The following SYNPR variants were observed in gnomAD, a reference collection of about 807,000 sequenced individuals.
SYNPR encodes the protein synaptoporin.
Under a neutral mutation model 32.9 loss-of-function variants are expected in SYNPR, and 23 were observed. That is an observed-to-expected ratio of 0.70 (90% CI 0.50 to 0.99). The LOEUF is 0.99. SYNPR is among the 50% of genes least tolerant of loss of function. The pLI is 0.00. For synonymous variants in SYNPR, 146 were observed against 135.9 expected (o/e 1.07, Z -0.52); for missense variants, 318 against 349.3 (o/e 0.91, Z 0.71).
intron 3 of SYNPR, among the ~76,000 whole-genome samples, chr3:63,539,264 A>G (rs1020603656): frequency 7.9e-5 from 12 of 152,142 alleles, no homozygotes; most frequent in African/African-American, 2.9e-4. Context: ...AGAATCCATG[A>G]AGGGAGGTGT....
upstream of SYNPR, chr3:63,278,295 C>G (rs2086594673): frequency 1.8e-6 from 1 of 566,978 alleles, no homozygotes; most frequent in African/African-American, 1.9e-5. Flanking sequence ...CCTGCCCCAG[C>G]TCTTCCCTGC....
intron 3 of SYNPR, among the ~76,000 whole-genome samples, chr3:63,511,116 T>C (rs1250048316): frequency 4.6e-5 from 7 of 151,770 alleles, no homozygotes; most frequent in South Asian, 4.2e-4. Context: ...GTGATACTTA[T>C]GCTTTTTGGG....
intron 2 of SYNPR, among the ~76,000 whole-genome samples, chr3:63,260,380 C>T (rs9758017): frequency 0.43 from 65,252 of 151,880 alleles, 14,817 homozygotes; most frequent in Non-Finnish European, 0.5. Flanking sequence ...GAGATATAGA[C>T]CAATGGAACA....
intron 2 of SYNPR, among the ~76,000 whole-genome samples, chr3:63,344,253 C>T (rs1429785752): frequency 1.3e-5 from 2 of 152,118 alleles, no homozygotes; most frequent in African/African-American, 2.4e-5. Flanking sequence ...ACAGAATACA[C>T]AGTTTTCCAT....
intron 2 of SYNPR, among the ~76,000 whole-genome samples, chr3:63,312,529 GC>G (rs1460692906): frequency 1.8e-4 from 28 of 151,826 alleles, no homozygotes; most frequent in African/African-American, 6.3e-4. Context: ...GTCAGCAGAT[GC>G]ACTCATTTTC....
chr3:63,396,187 T>A (rs548827752), intron 2 of SYNPR, among the ~76,000 whole-genome samples: 1 of 152,296 alleles, frequency 6.6e-6, no homozygotes, highest in South Asian at 2.1e-4. Context: ...AATTCTGGAG[T>A]TGGTATGCCC....
chr3:63,558,847 C>T (rs1022026664), intron 4 of SYNPR, among the ~76,000 whole-genome samples: 4 of 148,988 alleles, frequency 2.7e-5, no homozygotes, highest in Non-Finnish European at 6.0e-5. Context: ...TAATAATATG[C>T]TTTCCAGAAA....
At chr3:63,460,018 A>G (rs1700552017) in intron 2 of SYNPR, among the ~76,000 whole-genome samples, 1 of 152,050 alleles carries the variant, frequency 6.6e-6, no homozygotes, top group South Asian at 2.1e-4. Flanking sequence ...TGACTGCAAC[A>G]TCCCATAAAA....
chr3:63,448,908 A>G (rs1311823243), intron 2 of SYNPR, among the ~76,000 whole-genome samples: 2 of 152,182 alleles, frequency 1.3e-5, no homozygotes, highest in African/African-American at 4.8e-5. Flanking sequence ...TTTTGGTCCT[A>G]TATGTTCACA....
chr3:63,442,397 G>A (rs116663185), intron 2 of SYNPR, among the ~76,000 whole-genome samples: 2,750 of 152,212 alleles, frequency 0.018, 32 homozygotes, highest in Non-Finnish European at 0.027. Flanking sequence ...AGTAGGGGGC[G>A]GGAAGGAGAG....
At chr3:63,519,906 ACC>A (rs1559524530) in intron 3 of SYNPR, among the ~76,000 whole-genome samples, 2 of 151,926 alleles carry the variant, frequency 1.3e-5, no homozygotes, top group Non-Finnish European at 2.9e-5. Context: ...AATTCACATC[ACC>A]CTGAGATAAC....
At chr3:63,610,474 C>T (rs1393332919) in intron 5 of SYNPR, 1 of 697,954 alleles carries the variant, frequency 1.4e-6, no homozygotes, top group Middle Eastern at 2.3e-4. Flanking sequence ...GTTTCTACAG[C>T]TTTCTGAAAT....
chr3:63,410,580 C>G (rs1173273926), intron 2 of SYNPR, among the ~76,000 whole-genome samples: 1 of 152,252 alleles, frequency 6.6e-6, no homozygotes, highest in East Asian at 1.9e-4. Context: ...TGTTTTCCCT[C>G]ATGTTTGTGT....
At position 63,319,676 on chromosome 3, in the gene SYNPR, A is replaced by T. The variant is rs191405910; in HGVS notation, c.84+40934A>T. On this transcript the variant is annotated intron_variant, in intron 2 of 5. Transcript: ENST00000478300. ...TCCATGTTCATGCATTGAAAAAAAA[A>T]TTGTTAAAATGCCCATACTGCCTAA... 2.0e-5 allele frequency among the ~76,000 whole-genome samples: 3 copies of T among 152,178 alleles called. No individual in the cohort carries two copies. In the East Asian group the frequency reaches 5.8e-4, roughly 30 times the overall value.
intron 2 of SYNPR, among the ~76,000 whole-genome samples, chr3:63,257,470 A>G (rs544228955): frequency 4.0e-5 from 6 of 151,638 alleles, no homozygotes; most frequent in Non-Finnish European, 5.9e-5. Context: ...GCCAAACTAA[A>G]CTTCATAAGT....
rs1362500439 is a variant in SYNPR at position 63,496,404 on chromosome 3, A to G, written c.209+15448A>G. On this transcript the variant is annotated intron_variant, in intron 3 of 5. Transcript: ENST00000478300. ...CTATACTATAATTTCTTGTATGACT[A>G]TATCATAGTTTATGATGCCAGTTAC... 1.3e-5 allele frequency among the ~76,000 whole-genome samples: 2 copies of G among 152,110 alleles called. 1 individual carries two copies. Among genetic ancestry groups the G allele is most frequent in the Admixed American group, 1.3e-4 (2 of 15,254 alleles).
At chr3:63,481,943 TG>T (rs1280136226) in intron 3 of SYNPR, among the ~76,000 whole-genome samples, 10 of 152,120 alleles carry the variant, frequency 6.6e-5, no homozygotes, top group African/African-American at 1.4e-4. Context: ...CACTAAGAGA[TG>T]TGGCAGGAGC....
intron 2 of SYNPR, among the ~76,000 whole-genome samples, chr3:63,477,729 C>A (rs1158667244): frequency 6.6e-6 from 1 of 151,558 alleles, no homozygotes; most frequent in South Asian, 2.1e-4. Flanking sequence ...GCTGGCTCCC[C>A]ACTGTCCATC....
chr3:63,494,510 T>C (rs1258163838), intron 3 of SYNPR, among the ~76,000 whole-genome samples: 1 of 42,762 alleles, frequency 2.3e-5, no homozygotes, highest in Non-Finnish European at 4.9e-5. Flanking sequence ...TATATACATA[T>C]ATACATATAT....
Sources: gnomAD v4.1 joint callset for allele counts (sites outside exome capture counted in the v4.1 genomes callset) on GRCh38, gnomAD v4.1.1 for gene constraint, MANE v1.5 for transcripts, NCBI Gene and HGNC (gene_info 2026-07-23, HGNC 2026-07-21) for gene names.